The following SENP6 variants were observed in gnomAD, a reference collection of about 807,000 sequenced individuals.
The protein encoded by SENP6 is SUMO specific peptidase 6.
In SENP6, 41 loss-of-function variants were observed where a neutral mutation model predicts 134.5. The ratio of observed to expected loss-of-function variants is 0.30; its 90% confidence interval spans 0.24 to 0.40. The LOEUF is 0.40. Ranked by LOEUF, SENP6 falls within the 10% of genes least tolerant of loss-of-function variation. SENP6 has a pLI of 1.00. For missense variants in SENP6, 1,248 were observed against 1,312.5 expected, an observed-to-expected ratio of 0.95 and a Z score of 0.76; for synonymous variants, 395 against 429.8, an observed-to-expected ratio of 0.92 and a Z score of 1.00.
chr6:75,615,369 G>C (rs189158893), intron 1 of SENP6, among the ~76,000 whole-genome samples: 1 of 150,820 alleles, frequency 6.6e-6, no homozygotes, highest in Non-Finnish European at 1.5e-5. Flanking sequence ...TAGTAGAGAC[G>C]GGGTTTCGCA....
At chr6:75,685,745 C>A (rs1037981425) in intron 16 of SENP6, among the ~76,000 whole-genome samples, 4 of 152,182 alleles carry the variant, frequency 2.6e-5, no homozygotes, top group Non-Finnish European at 5.9e-5. Context: ...TTTGATTACA[C>A]TGTGGTCTGA....
chr6:75,666,722 C>T lies in SENP6; in HGVS notation c.1005C>T (p.Ser335=). The T allele has an allele frequency of 6.6e-7, 1 of 1,511,648 alleles. No homozygotes were observed. Among genetic ancestry groups the T allele is most frequent in the Non-Finnish European group, 9.0e-7 (1 of 1,115,336 alleles). The allele number at this position is 1,511,648 out of a possible 1,614,324, so 93.6% of individuals were successfully genotyped here. ...LSDLNDPIIL[S]SDDDDDNDRT... The stretch of plus-strand genomic sequence containing the variant: ...TTAAAATACTTTTAGTCATTTTGTC[C>T]AGTGATGATGATGATGACAACGACA... Residue 335 remains serine, a synonymous_variant, in exon 10 of 24, where the codon TCC becomes TCT. Transcript: ENST00000447266.
intron 11 of SENP6, among the ~76,000 whole-genome samples, chr6:75,675,010 C>CTTT (rs2149877038): frequency 6.6e-6 from 1 of 152,100 alleles, no homozygotes; most frequent in African/African-American, 2.4e-5. Context: ...CTTAATGTGT[C>CTTT]TTTTCCACAT....
At chr6:75,637,748 C>T (rs1769639034) in intron 5 of SENP6, among the ~76,000 whole-genome samples, 1 of 152,070 alleles carries the variant, frequency 6.6e-6, no homozygotes, top group Non-Finnish European at 1.5e-5. Context: ...TCTTCCCCCG[C>T]AACTTAGGGG....
intron 1 of SENP6, among the ~76,000 whole-genome samples, chr6:75,616,615 A>G (rs1767865647): frequency 6.6e-6 from 1 of 151,938 alleles, no homozygotes; most frequent in East Asian, 1.9e-4. Flanking sequence ...GCGTGGTAGC[A>G]TGCGCCTGTA....
chr6:75,705,904 G>A (rs1011969886), intron 19 of SENP6, among the ~76,000 whole-genome samples: 8 of 96,814 alleles, frequency 8.3e-5, no homozygotes, highest in African/African-American at 2.1e-4. Flanking sequence ...ATTTTAGTGA[G>A]TTAGAAAGCT....
chr6:75,605,190 A>G (rs1766941218), intron 1 of SENP6, among the ~76,000 whole-genome samples: 1 of 152,254 alleles, frequency 6.6e-6, no homozygotes, highest in Non-Finnish European at 1.5e-5. Context: ...AGACATCTAC[A>G]TATTACACTT....
chr6:75,602,616 A>G lies in SENP6; in HGVS notation c.52+40A>G, dbSNP rs1473169098. 11 of 1,544,812 alleles carry G rather than the reference A, an allele frequency of 7.1e-6. No individual in the cohort carries two copies. The Admixed American group carries it at 9.8e-5, about 14-fold the overall frequency. On this transcript the variant is annotated intron_variant, in intron 1 of 23. Transcript: ENST00000447266. ...GCCCTTGACGGGGAGAAGGGAGGGT[A>G]TACTGGAAAACGTGGCCCCCAGAAC... is the stretch of plus-strand genomic sequence containing the variant.
intron 3 of SENP6, among the ~76,000 whole-genome samples, chr6:75,626,130 T>TGTA (rs1275584576): frequency 1.3e-5 from 2 of 151,628 alleles, no homozygotes; most frequent in Non-Finnish European, 2.9e-5. Context: ...TTAGGTTTGT[T>TGTA]GTTGTTGTTG....
chr6:75,648,653 A>G (rs764939257), intron 7 of SENP6, among the ~76,000 whole-genome samples: 39 of 152,188 alleles, frequency 2.6e-4, no homozygotes, highest in Non-Finnish European at 4.0e-4. Flanking sequence ...TATACTTTAC[A>G]TACTAAGCAT....
chr6:75,703,115 A>C, intron 19 of SENP6, 43 bp downstream of exon 19: 2 of 1,441,702 alleles, frequency 1.4e-6, no homozygotes, highest in Non-Finnish European at 1.9e-6. Flanking sequence ...AATTCAGAAT[A>C]ATCTGGATTT....
chr6:75,630,321 C>G (rs191359247), intron 3 of SENP6, among the ~76,000 whole-genome samples: 1 of 152,092 alleles, frequency 6.6e-6, no homozygotes, highest in Non-Finnish European at 1.5e-5. Context: ...CCATCAGCCT[C>G]GACCTCCCAA....
intron 13 of SENP6, chr6:75,676,813 T>C (rs1422025739): frequency 2.3e-6 from 1 of 438,138 alleles, no homozygotes; most frequent in African/African-American, 2.0e-5. Context: ...GAGTAATGTA[T>C]TCTGGTTCCT....
intron 1 of SENP6, among the ~76,000 whole-genome samples, chr6:75,614,304 C>CA (rs1394770196): frequency 4.1e-5 from 6 of 147,476 alleles, no homozygotes; most frequent in Non-Finnish European, 5.9e-5. Context: ...CTGGCTCTGT[C>CA]ACCCAGGCTG....
intron 7 of SENP6, chr6:75,655,199 T>C (rs1434462599): frequency 6.6e-6 from 1 of 152,206 alleles, no homozygotes; most frequent in Non-Finnish European, 1.5e-5. Flanking sequence ...CATGGAGCGA[T>C]GAGGGAGGAA....
intron 1 of SENP6, among the ~76,000 whole-genome samples, chr6:75,607,786 AAAAGTGTTTTC>A (rs2149817140): frequency 6.6e-6 from 1 of 152,320 alleles, no homozygotes; most frequent in South Asian, 2.1e-4. Context: ...TCTCCAAATG[AAAAGTGTTTTC>A]CATTTCGCCT....
At chr6:75,609,316 G>A (rs1767267571) in intron 1 of SENP6, among the ~76,000 whole-genome samples, 1 of 152,198 alleles carries the variant, frequency 6.6e-6, no homozygotes, top group South Asian at 2.1e-4. Context: ...AAGTTATTAT[G>A]GAGAAGTATT....
At chr6:75,653,456 T>C (rs997435351) in intron 7 of SENP6, among the ~76,000 whole-genome samples, 1 of 152,238 alleles carries the variant, frequency 6.6e-6, no homozygotes, top group African/African-American at 2.4e-5. Flanking sequence ...TCACCTTTAT[T>C]TTCCAAAAGT....
intron 1 of SENP6, among the ~76,000 whole-genome samples, chr6:75,605,829 TAG>T (rs895178964): frequency 3.3e-5 from 5 of 152,046 alleles, no homozygotes; most frequent in African/African-American, 9.7e-5. Flanking sequence ...TGGAATTAAT[TAG>T]GGGGCAAGAT....
Sources: gnomAD v4.1 joint callset for allele counts (sites outside exome capture counted in the v4.1 genomes callset) on GRCh38, gnomAD v4.1.1 for gene constraint, MANE v1.5 for transcripts, NCBI Gene and HGNC (gene_info 2026-07-23, HGNC 2026-07-21) for gene names.